KRTAP13-2: variants seen among roughly 807,000 people sequenced by gnomAD.
KRTAP13-2 encodes the protein keratin-associated protein 13-2.
For synonymous variants in KRTAP13-2, 92 were observed against 87.4 expected, an observed-to-expected ratio of 1.05 and a Z score of -0.30; for missense variants, 231 against 212.4, an observed-to-expected ratio of 1.09 and a Z score of -0.55.
rs749976021 is a variant in KRTAP13-2 at position 30,371,973 on chromosome 21, A to G, written c.241T>C (p.Tyr81His). ...VESSPCQTSC[Y>H]RPRTSLLCSP... is the part of the protein sequence containing the mutation. Reference sequence around the variant, plus strand: ...CAGAGCAAGGAGGTTCTGGGGCGGTAGCAGGAGGTCTGGCAGGGGCTGGAC... The same window carrying G: ...CAGAGCAAGGAGGTTCTGGGGCGGTGGCAGGAGGTCTGGCAGGGGCTGGAC... The change falls in exon 1 of 1, where the codon TAC becomes CAC. Residue 81 changes from tyrosine (Y) to histidine (H), a missense_variant. Tyr to His is a moderately conservative substitution (Grantham distance 83). Transcript: ENST00000399889. 4 of 1,614,068 alleles carry G rather than the reference A, an allele frequency of 2.5e-6. No homozygotes were observed. In the African/African-American group the frequency reaches 4.0e-5, roughly 16 times the overall value.
rs1021748468 is a variant in KRTAP13-2, at chr21:30,371,570, T to C, written c.*116A>G. ...ACTAGCCTGTCCAGCCAGTACTTGA[T>C]GCCAGAGAAAGGATGAAGAGCTAGT... On this transcript the variant is annotated 3_prime_UTR_variant, in exon 1 of 1. Coordinates refer to ENST00000399889, the MANE Select transcript of KRTAP13-2 (RefSeq NM_181621.4). The C allele has an allele frequency of 3.9e-5, 40 of 1,022,798 alleles. No individual in the cohort carries two copies. The highest frequency in any genetic ancestry group is 3.2e-4 in the South Asian group (20 of 61,958). 63.4% of individuals were successfully genotyped at this position (1,022,798 alleles called of 1,614,324 possible). A position where few individuals can be genotyped will look rare whatever the true frequency, so the allele number is the denominator to read the frequency against.
In KRTAP13-2 at chr21:30,371,472, G is replaced by A. The variant is rs1047146748; in HGVS notation, c.*214C>T. On this transcript the variant is annotated 3_prime_UTR_variant, in exon 1 of 1. Transcript: ENST00000399889. Reference sequence around the variant, plus strand: ...TTATAAGATGAACTTACGTGATAACGAATCACTTGTTTCAAAATTATAGAC... The same window carrying A: ...TTATAAGATGAACTTACGTGATAACAAATCACTTGTTTCAAAATTATAGAC... 18 of 542,304 alleles carry A rather than the reference G, an allele frequency of 3.3e-5. No individual in the cohort carries two copies. Among genetic ancestry groups the A allele is most frequent in the Middle Eastern group, 4.8e-4 (1 of 2,082 alleles). 33.6% of individuals were successfully genotyped at this position (542,304 alleles called of 1,614,324 possible).
At position 30,371,730 on chromosome 21, in the gene KRTAP13-2, A is replaced by C. The variant is rs746230916; in HGVS notation, c.484T>G (p.Tyr162Asp). The stretch of plus-strand genomic sequence containing the variant: ...AAGGTTGATCCATAGGCTGGTCTGT[A>C]ACAAGGAGACTGGCAGCTCCTAGAA... ...LASRSCQSPC[Y>D]RPAYGSTFCR... The change falls in exon 1 of 1, where the codon TAC (tyrosine) becomes GAC (aspartate). Residue 162 changes from tyrosine (Y) to aspartate (D), a missense_variant. Transcript: ENST00000399889. 6.2e-7 allele frequency: 1 copy of C among 1,614,046 alleles called. No individual in the cohort carries two copies. Among genetic ancestry groups the C allele is most frequent in the Non-Finnish European group, 8.5e-7 (1 of 1,180,008 alleles).
At chr21:30,372,198 AGC>A in the KRTAP13-2 span, 1 of 1,613,294 alleles carries the variant, frequency 6.2e-7, no homozygotes, top group Non-Finnish European at 8.5e-7. Context: ...TTTCCAGAGC[AGC>A]AGTTGTAGGA....
chr21:30,371,549 G>T lies in KRTAP13-2; in HGVS notation c.*137C>A, dbSNP rs745323764. 53 of 809,772 alleles carry T rather than the reference G, an allele frequency of 6.5e-5. 1 individual carries two copies. The highest frequency in any genetic ancestry group is 9.8e-5 in the Non-Finnish European group (50 of 509,862). The allele number at this position is 809,772 out of a possible 1,614,324, so 50.2% of individuals were successfully genotyped here. A position where few individuals can be genotyped will look rare whatever the true frequency, so the allele number is the denominator to read the frequency against. On this transcript the variant is annotated 3_prime_UTR_variant, in exon 1 of 1. Coordinates refer to ENST00000399889, the MANE Select transcript of KRTAP13-2 (RefSeq NM_181621.4). ...TTAATTTCACAGTCTGAAAGAACTA[G>T]CCTGTCCAGCCAGTACTTGATGCCA...
chr21:30,371,982 T>C lies in KRTAP13-2; in HGVS notation c.232A>G (p.Thr78Ala). 1 of 1,613,980 alleles carries C rather than the reference T, an allele frequency of 6.2e-7. No homozygotes were observed. ...TSYVESSPCQ[T>A]SCYRPRTSLL... ...GAGGTTCTGGGGCGGTAGCAGGAGG[T>C]CTGGCAGGGGCTGGACTCCACATAG... The change falls in exon 1 of 1, where the codon ACC (threonine) becomes GCC (alanine). Residue 78 changes from threonine to alanine, a missense_variant. By Grantham distance (58) the Thr-to-Ala change is moderately conservative. Transcript: ENST00000399889.
Position 30,371,411 on chromosome 21 carries a change from T to C in KRTAP13-2, c.*275A>G. The C allele has an allele frequency of 2.8e-6, 1 of 355,258 alleles. No homozygotes were observed. Among genetic ancestry groups the C allele is most frequent in the Admixed American group, 4.4e-5 (1 of 22,702 alleles). 22.0% of individuals were successfully genotyped at this position (355,258 alleles called of 1,614,324 possible). A position where few individuals can be genotyped will look rare whatever the true frequency, so the allele number is the denominator to read the frequency against. ...CATATTGGAATCAACAGTAAATGAA[T>C]TTATTACGTGAAACAAAACTGAACT... is the stretch of plus-strand genomic sequence containing the variant. On this transcript the variant is annotated 3_prime_UTR_variant, in exon 1 of 1. Transcript: ENST00000399889.
In KRTAP13-2 at chr21:30,371,732, C is replaced by A. The variant is rs772358711; in HGVS notation, c.482G>T (p.Cys161Phe). ...GGTTGATCCATAGGCTGGTCTGTAA[C>A]AAGGAGACTGGCAGCTCCTAGAAGC... ...YLASRSCQSPCYRPAYGSTFC... is the reference protein window; with the variant it reads ...YLASRSCQSPFYRPAYGSTFC... The change falls in exon 1 of 1, where the codon TGT (cysteine) becomes TTT (phenylalanine). Residue 161 changes from cysteine to phenylalanine, a missense_variant. Coordinates refer to ENST00000399889, the MANE Select transcript of KRTAP13-2 (RefSeq NM_181621.4). 3.7e-6 allele frequency: 6 copies of A among 1,614,130 alleles called. No homozygotes were observed. The South Asian group carries it at 5.5e-5, about 15-fold the overall frequency.
At chr21:30,371,985 G>A in the KRTAP13-2 span, 1 of 1,614,062 alleles carries the variant, frequency 6.2e-7, no homozygotes, top group Non-Finnish European at 8.5e-7. Context: ...CAGGAGGTCT[G>A]GCAGGGGCTG....
Position 30,371,596 on chromosome 21 carries a change from A to G in KRTAP13-2, c.*90T>C, listed in dbSNP as rs757100206. The G allele has an allele frequency of 2.3e-5, 28 of 1,225,842 alleles. No individual in the cohort carries two copies. The highest frequency in any genetic ancestry group is 3.0e-5 in the Non-Finnish European group (26 of 864,118). 75.9% of individuals were successfully genotyped at this position (1,225,842 alleles called of 1,614,324 possible). On this transcript the variant is annotated 3_prime_UTR_variant, in exon 1 of 1. Coordinates refer to ENST00000399889, the MANE Select transcript of KRTAP13-2 (RefSeq NM_181621.4). Reference sequence around the variant, plus strand: ...GCCAGAGAAAGGATGAAGAGCTAGTAGTAAGAGGGGTTAGCTCACATTGCT... The same window carrying G: ...GCCAGAGAAAGGATGAAGAGCTAGTGGTAAGAGGGGTTAGCTCACATTGCT...
At position 30,371,500 on chromosome 21, in the gene KRTAP13-2, T is replaced by A; in HGVS notation, c.*186A>T. The A allele has an allele frequency of 3.4e-6, 2 of 585,550 alleles. No individual in the cohort carries two copies. The highest frequency in any genetic ancestry group is 6.0e-6 in the Non-Finnish European group (2 of 332,498). 36.3% of individuals were successfully genotyped at this position (585,550 alleles called of 1,614,324 possible). A position where few individuals can be genotyped will look rare whatever the true frequency, so the allele number is the denominator to read the frequency against. On this transcript the variant is annotated 3_prime_UTR_variant, in exon 1 of 1. Transcript: ENST00000399889. The stretch of plus-strand genomic sequence containing the variant: ...TCACTTGTTTCAAAATTATAGACAT[T>A]TGACTCTATATTTTGCTCATTCATT...
rs983353845 is a variant in KRTAP13-2 at position 30,371,785 on chromosome 21, T to A, written c.429A>T (p.Gly143=). The A allele has an allele frequency of 1.9e-6, 3 of 1,613,834 alleles. No homozygotes were observed. In the South Asian group the frequency reaches 3.3e-5, roughly 18 times the overall value. Residue 143 remains glycine, a synonymous_variant, in exon 1 of 1, where the codon GGA becomes GGT. Coordinates refer to ENST00000399889, the MANE Select transcript of KRTAP13-2 (RefSeq NM_181621.4). Reference sequence around the variant, plus strand: ...AGTAGGTTGGGCGGCAGAATCCAGATCCATAGCCGAGGGAAGGGAAGCCAC... The same window carrying A: ...AGTAGGTTGGGCGGCAGAATCCAGAACCATAGCCGAGGGAAGGGAAGCCAC... ...GSCGFPSLGY[G]SGFCRPTYLA...
chr21:30,371,849 C>T lies in KRTAP13-2; in HGVS notation c.365G>A (p.Cys122Tyr), dbSNP rs543403586. The T allele has an allele frequency of 1.9e-6, 3 of 1,614,178 alleles. No homozygotes were observed. The highest frequency in any genetic ancestry group is 2.7e-5 in the African/African-American group (2 of 75,048). The change falls in exon 1 of 1, where the codon TGT (cysteine) becomes TAT (tyrosine). Residue 122 changes from cysteine to tyrosine, a missense_variant. By Grantham distance (194) the Cys-to-Tyr change is radical. Coordinates refer to ENST00000399889, the MANE Select transcript of KRTAP13-2 (RefSeq NM_181621.4). ...YGSRSCYSVG[C>Y]GSSGVRSLGY... Reference sequence around the variant, plus strand: ...CAGGGATCTGACACCACTGGACCCACAGCCCACTGAGTAGCAGCTCCTCGA... The same window carrying T: ...CAGGGATCTGACACCACTGGACCCATAGCCCACTGAGTAGCAGCTCCTCGA...
Position 30,372,137 on chromosome 21 carries a change from C to G in KRTAP13-2, c.77G>C (p.Arg26Pro). 1 of 1,614,114 alleles carries G rather than the reference C, an allele frequency of 6.2e-7. No homozygotes were observed. Among genetic ancestry groups the G allele is most frequent in the Non-Finnish European group, 8.5e-7 (1 of 1,180,014 alleles). ...CAGATTGCTGGGGTAGGAAAAGCCA[C>G]GTGAGGATGCTGGGTAGCGCAGGTA... ...GDYLRYPASS[R>P]GFSYPSNLVY... The change falls in exon 1 of 1, where the codon CGT becomes CCT. Residue 26 changes from arginine (R) to proline (P), a missense_variant. Physicochemically the swap from Arg to Pro is moderately radical, Grantham distance 103 (BLOSUM62 -2). Coordinates refer to ENST00000399889, the MANE Select transcript of KRTAP13-2 (RefSeq NM_181621.4).
chr21:30,372,008 G>A lies in KRTAP13-2; in HGVS notation c.206C>T (p.Ser69Phe), dbSNP rs774589922. ...CTGGCAGGGGCTGGACTCCACATAG[G>A]ACGTCTGGCAGCTGGTGGGCTCCCA... ...ICWEPTSCQT[S>F]YVESSPCQTS... Residue 69 changes from serine to phenylalanine, a missense_variant, in exon 1 of 1, where the codon TCC becomes TTC. Transcript: ENST00000399889. 6 of 1,614,048 alleles carry A rather than the reference G, an allele frequency of 3.7e-6. No homozygotes were observed. The South Asian group carries it at 5.5e-5, about 15-fold the overall frequency.
Position 30,371,784 on chromosome 21 carries a change from A to G in KRTAP13-2, c.430T>C (p.Ser144Pro). The G allele has an allele frequency of 6.2e-7, 1 of 1,614,060 alleles. No individual in the cohort carries two copies. The highest frequency in any genetic ancestry group is 8.5e-7 in the Non-Finnish European group (1 of 1,179,944). Residue 144 changes from serine (S) to proline (P), a missense_variant, in exon 1 of 1, where the codon TCT becomes CCT. Ser to Pro is a moderately conservative substitution (Grantham distance 74). Transcript: ENST00000399889. ...SCGFPSLGYGSGFCRPTYLAS... is the reference protein window; with the variant it reads ...SCGFPSLGYGPGFCRPTYLAS... The stretch of plus-strand genomic sequence containing the variant: ...AAGTAGGTTGGGCGGCAGAATCCAG[A>G]TCCATAGCCGAGGGAAGGGAAGCCA...
In KRTAP13-2 at chr21:30,372,080, G is replaced by A. The variant is rs61748317; in HGVS notation, c.134C>T (p.Thr45Ile). ...VYSTDLCSPS[T>I]CQLGSSLYRG... ...ATAGAGAGAGGAACCCAGCTGGCAG[G>A]TGCTGGGAGAGCAGAGGTCAGTGCT... Residue 45 changes from threonine (T) to isoleucine (I), a missense_variant, in exon 1 of 1, where the codon ACC becomes ATC. By Grantham distance (89) the Thr-to-Ile change is moderately conservative. Transcript: ENST00000399889. 1.8e-3 allele frequency: 2,900 copies of A among 1,614,220 alleles called. 38 individuals carry two copies. The African/African-American group carries it at 0.029, about 16-fold the overall frequency.
chr21:30,371,911 G>A lies in KRTAP13-2; in HGVS notation c.303C>T (p.Gly101=). 1 of 1,614,208 alleles carries A rather than the reference G, an allele frequency of 6.2e-7. No individual in the cohort carries two copies. The highest frequency in any genetic ancestry group is 8.5e-7 in the Non-Finnish European group (1 of 1,180,032). The change falls in exon 1 of 1, where the codon GGC becomes GGT. Residue 101 remains glycine (G), a synonymous_variant. Coordinates refer to ENST00000399889, the MANE Select transcript of KRTAP13-2 (RefSeq NM_181621.4). ...PCKTTYSGSL[G]FGSSSCRSLG... ...GGGAGCGGCAGCTGCTGGATCCAAA[G>A]CCTAGAGACCCAGAGTAAGTCGTCT... is the stretch of plus-strand genomic sequence containing the variant.
Position 30,371,794 on chromosome 21 carries a change from G to A in KRTAP13-2, c.420C>T (p.Leu140=), listed in dbSNP as rs748883950. 1.1e-5 allele frequency: 18 copies of A among 1,614,068 alleles called. No individual in the cohort carries two copies. The East Asian group carries it at 1.3e-4, about 12-fold the overall frequency. The part of the protein sequence containing the change: ...LGYGSCGFPS[L]GYGSGFCRPT... ...GGCGGCAGAATCCAGATCCATAGCC[G>A]AGGGAAGGGAAGCCACAGCTTCCAT... Residue 140 remains leucine, a synonymous_variant, in exon 1 of 1, where the codon CTC becomes CTT. Coordinates refer to ENST00000399889, the MANE Select transcript of KRTAP13-2 (RefSeq NM_181621.4).
Sources: gnomAD v4.1 joint callset for allele counts on GRCh38, gnomAD v4.1.1 for gene constraint, MANE v1.5 for transcripts, NCBI Gene and HGNC (gene_info 2026-07-23, HGNC 2026-07-21) for gene names.